The following IQCJ variants were observed in gnomAD, a reference collection of about 807,000 sequenced individuals.
IQCJ encodes the protein IQ motif containing J.
In IQCJ, 9 loss-of-function variants were observed where a neutral mutation model predicts 11.0. That is an observed-to-expected ratio of 0.82 (90% CI 0.49 to 1.43). The LOEUF is 1.43. Among genes scored for constraint, IQCJ ranks in the 40% most tolerant of loss-of-function variants. The probability of loss-of-function intolerance (pLI) is 0.00; values close to 1 mark genes in which losing one functional copy is unlikely to be tolerated. For synonymous variants in IQCJ, 55 were observed against 51.3 expected (o/e 1.07, Z -0.31); for missense variants, 146 against 133.2 (o/e 1.10, Z -0.47).
At chr3:159,175,075 T>G (rs1195903311) in intron 1 of IQCJ, among the ~76,000 whole-genome samples, 1 of 152,228 alleles carries the variant, frequency 6.6e-6, no homozygotes, top group Non-Finnish European at 1.5e-5. Flanking sequence ...TTTTATCAGC[T>G]TTATTGAGGA....
intron 1 of IQCJ, among the ~76,000 whole-genome samples, chr3:159,244,600 T>C (rs868386718): frequency 1.3e-5 from 2 of 152,104 alleles, no homozygotes; most frequent in South Asian, 4.2e-4. Flanking sequence ...AACAACATAA[T>C]TAAGGGTATA....
chr3:159,220,951 C>T (rs573670686), intron 1 of IQCJ, among the ~76,000 whole-genome samples: 32 of 152,160 alleles, frequency 2.1e-4, no homozygotes, highest in African/African-American at 7.2e-4. Flanking sequence ...TGGGTTATTT[C>T]AGAATTTGAG....
At chr3:159,094,719 T>A (rs1334373375) in intron 1 of IQCJ, among the ~76,000 whole-genome samples, 1 of 151,840 alleles carries the variant, frequency 6.6e-6, no homozygotes, top group Non-Finnish European at 1.5e-5. Flanking sequence ...GTAAAAGATG[T>A]GTGATCTCTA....
At chr3:159,261,343 C>A (rs981682856) in intron 3 of IQCJ, among the ~76,000 whole-genome samples, 2 of 152,120 alleles carry the variant, frequency 1.3e-5, no homozygotes, top group Admixed American at 1.3e-4. Context: ...TCAGTGACCC[C>A]CCCTATGAAA....
chr3:159,082,601 G>A (rs1716393955), intron 1 of IQCJ, among the ~76,000 whole-genome samples: 1 of 152,072 alleles, frequency 6.6e-6, no homozygotes, highest in African/African-American at 2.4e-5. Flanking sequence ...AGACCTTTGT[G>A]TGTCCTGTGT....
intron 1 of IQCJ, among the ~76,000 whole-genome samples, chr3:159,081,482 T>G (rs886684213): frequency 6.6e-6 from 1 of 152,134 alleles, no homozygotes; most frequent in Non-Finnish European, 1.5e-5. Context: ...TTGAGATTTC[T>G]TTTTGTAGTT....
chr3:159,075,196 G>C (rs1715830284), intron 1 of IQCJ, among the ~76,000 whole-genome samples: 1 of 152,102 alleles, frequency 6.6e-6, no homozygotes, highest in Admixed American at 6.6e-5. Flanking sequence ...TGCAATATGA[G>C]AAGCTCAAAG....
intron 1 of IQCJ, among the ~76,000 whole-genome samples, chr3:159,221,697 C>A (rs1176920593): frequency 2.0e-5 from 3 of 152,074 alleles, no homozygotes; most frequent in Non-Finnish European, 4.4e-5. Context: ...GCTGTCTCAA[C>A]CCCTTAAGCC....
intron 1 of IQCJ, among the ~76,000 whole-genome samples, chr3:159,159,730 T>C (rs986999831): frequency 1.1e-4 from 16 of 152,176 alleles, no homozygotes; most frequent in Non-Finnish European, 1.6e-4. Flanking sequence ...GAGGAGATGT[T>C]TGGGCCATGA....
chr3:159,254,630 A>G (rs1439525758), intron 3 of IQCJ, among the ~76,000 whole-genome samples: 1 of 152,248 alleles, frequency 6.6e-6, no homozygotes, highest in East Asian at 1.9e-4. Flanking sequence ...TCCTCTCTGC[A>G]TACATGAGAC....
chr3:159,172,136 A>G (rs1471196323), intron 1 of IQCJ, among the ~76,000 whole-genome samples: 1 of 152,222 alleles, frequency 6.6e-6, no homozygotes, highest in Admixed American at 6.5e-5. Flanking sequence ...AAGCAGCTAT[A>G]AGCTTGATGT....
At chr3:159,175,999 C>T (rs1002244296) in intron 1 of IQCJ, among the ~76,000 whole-genome samples, 1 of 152,098 alleles carries the variant, frequency 6.6e-6, no homozygotes, top group East Asian at 1.9e-4. Flanking sequence ...TTAATTTTAG[C>T]AATTTTAGTT....
chr3:159,147,981 A>G (rs1259859819), intron 1 of IQCJ, among the ~76,000 whole-genome samples: 1 of 152,258 alleles, frequency 6.6e-6, no homozygotes, highest in Non-Finnish European at 1.5e-5. Flanking sequence ...GCGCCTAGGC[A>G]TATGTGCAAA....
At chr3:159,132,726 T>C (rs542757252) in intron 1 of IQCJ, among the ~76,000 whole-genome samples, 1 of 152,190 alleles carries the variant, frequency 6.6e-6, no homozygotes, top group Admixed American at 6.5e-5. Flanking sequence ...TCGTATCTAG[T>C]TTTTATGGCT....
At chr3:159,124,649 T>C (rs1000478036) in intron 1 of IQCJ, among the ~76,000 whole-genome samples, 1 of 152,198 alleles carries the variant, frequency 6.6e-6, no homozygotes, top group African/African-American at 2.4e-5. Context: ...ATCTCTTTAA[T>C]ATTTCTCTCT....
intron 1 of IQCJ, among the ~76,000 whole-genome samples, chr3:159,132,810 A>G (rs1490625874): frequency 6.6e-6 from 1 of 152,190 alleles, no homozygotes; most frequent in Non-Finnish European, 1.5e-5. Flanking sequence ...TACCATTTCC[A>G]TTGACTGTTT....
At chr3:159,154,545 C>T (rs1313892775) in intron 1 of IQCJ, among the ~76,000 whole-genome samples, 2 of 152,128 alleles carry the variant, frequency 1.3e-5, no homozygotes, top group African/African-American at 4.8e-5. Context: ...TTGAACTTGG[C>T]AGGCACCTCT....
chr3:159,116,089 C>A (rs145350481), intron 1 of IQCJ, among the ~76,000 whole-genome samples: 252 of 152,132 alleles, frequency 1.7e-3, no homozygotes, highest in African/African-American at 5.9e-3. Flanking sequence ...TAAATAAATA[C>A]TGGGCATGGG....
intron 1 of IQCJ, among the ~76,000 whole-genome samples, chr3:159,087,390 G>T (rs552735004): frequency 1.3e-4 from 19 of 145,348 alleles, no homozygotes; most frequent in African/African-American, 4.3e-4. Flanking sequence ...TTTTTTGGTT[G>T]TGTCTCTGCC....
Sources: allele counts gnomAD v4.1 joint callset (sites outside exome capture counted in the v4.1 genomes callset), GRCh38; gene constraint gnomAD v4.1.1; transcripts MANE v1.5; gene names NCBI Gene and HGNC (gene_info 2026-07-23, HGNC 2026-07-21).